Variants in TSPAN18 observed in about 807,000 individuals in gnomAD.
TSPAN18 encodes the protein tetraspanin-18.
TSPAN18 carries 14 observed loss-of-function variants against 27.3 expected under a neutral mutation model. The ratio of observed to expected loss-of-function variants is 0.51; its 90% CI spans 0.34 to 0.80. The LOEUF is 0.80. Among genes scored for constraint, TSPAN18 ranks in the 30% least tolerant of loss-of-function variants. The probability of loss-of-function intolerance (pLI) is 0.01; values close to 1 mark genes in which losing one functional copy is unlikely to be tolerated. For missense variants in TSPAN18, 268 were observed against 323.9 expected, an observed-to-expected ratio of 0.83 and a Z score of 1.32; for synonymous variants, 143 against 136.5, an observed-to-expected ratio of 1.05 and a Z score of -0.33.
intron 2 of TSPAN18, among the ~76,000 whole-genome samples, chr11:44,793,742 T>A (rs1168184775): frequency 1.3e-5 from 2 of 152,192 alleles, no homozygotes. Flanking sequence ...TTTCCAAAGC[T>A]GGGGAACGTC....
At position 44,731,327 on chromosome 11, in the gene TSPAN18, A is replaced by G. The variant is rs74927359; in HGVS notation, c.-240+4040A>G. Among the ~76,000 whole-genome samples, 1,310 of 152,268 alleles carry G rather than the reference A, an allele frequency of 8.6e-3. 14 individuals are homozygous for G. The highest frequency in any genetic ancestry group is 0.042 in the South Asian group (202 of 4,832). On this transcript the variant is annotated intron_variant, in intron 1 of 9. Transcript: ENST00000520358. ...CCTGGATTTGCCTGTTAGCTTTATC[A>G]TAACTTCATATCAATTGTGTGACCT...
chr11:44,743,859 G>T (rs949839370), intron 1 of TSPAN18, among the ~76,000 whole-genome samples: 1 of 152,238 alleles, frequency 6.6e-6, no homozygotes, highest in South Asian at 2.1e-4. Context: ...AGGAAATGGC[G>T]TTGTAACACC....
At chr11:44,729,897 AT>A (rs1415456555) in intron 1 of TSPAN18, among the ~76,000 whole-genome samples, 1 of 152,020 alleles carries the variant, frequency 6.6e-6, no homozygotes, top group Admixed American at 6.5e-5. Flanking sequence ...CAGATTTGAA[AT>A]CTAGCTCTTC....
intron 3 of TSPAN18, among the ~76,000 whole-genome samples, chr11:44,886,731 T>C (rs1221337595): frequency 6.6e-6 from 1 of 152,236 alleles, no homozygotes; most frequent in Non-Finnish European, 1.5e-5. Context: ...AAGGTCAGTT[T>C]GGCTGTTGAG....
chr11:44,734,637 C>A (rs1303191600), intron 1 of TSPAN18, among the ~76,000 whole-genome samples: 1 of 152,236 alleles, frequency 6.6e-6, no homozygotes, highest in Non-Finnish European at 1.5e-5. Flanking sequence ...CAACCTTGGG[C>A]TGGACTCTTG....
chr11:44,870,561 G>C (rs1449877190), intron 3 of TSPAN18, among the ~76,000 whole-genome samples: 2 of 152,146 alleles, frequency 1.3e-5, no homozygotes, highest in African/African-American at 4.8e-5. Context: ...CTAGTCAGCA[G>C]CTCACTACTT....
rs531476733 is a variant in TSPAN18 at position 44,910,591 on chromosome 11, C to G, written c.258+692C>G. 2.6e-5 allele frequency among the ~76,000 whole-genome samples: 4 copies of G among 152,368 alleles called. No homozygotes were observed. In the South Asian group the frequency reaches 8.3e-4, roughly 32 times the overall value. On this transcript the variant is annotated intron_variant, in intron 5 of 9. Transcript: ENST00000520358. The stretch of plus-strand genomic sequence containing the variant: ...TGCTATTAAAAACTCTAATATATAA[C>G]TCCTTAGTAACATCGCTAAGATGCC...
intron 2 of TSPAN18, among the ~76,000 whole-genome samples, chr11:44,793,216 T>C (rs1856270573): frequency 6.6e-6 from 1 of 152,156 alleles, no homozygotes; most frequent in African/African-American, 2.4e-5. Context: ...TTGTACCACA[T>C]TGTGGCAAGG....
rs10671243 is a variant in TSPAN18, at chr11:44,908,070, A to AT, written c.63+1591_63+1592insT. ...ACTCCGTCTCAGAAAAAAAAAAAAA[A>AT]GGAGAGAGACACTGCACAGCAGATG... On this transcript the variant is annotated intron_variant, in intron 4 of 9. Coordinates refer to ENST00000520358, the MANE Select transcript of TSPAN18 (RefSeq NM_130783.5). Among the ~76,000 whole-genome samples, 269 of 149,914 alleles carry AT rather than the reference A, an allele frequency of 1.8e-3. 3 individuals carry two copies. Among genetic ancestry groups the AT allele is most frequent in the African/African-American group, 6.4e-3 (257 of 40,220 alleles).
chr11:44,759,738 ATTTGCAGAGTCAGGAAC>A (rs1345773515), intron 1 of TSPAN18, among the ~76,000 whole-genome samples: 5 of 152,272 alleles, frequency 3.3e-5, no homozygotes, highest in African/African-American at 1.2e-4. Flanking sequence ...TCCAGCTATT[ATTTGCAGAGTCAGGAAC>A]TGAGACTCAG....
chr11:44,842,840 T>C (rs915537641), intron 2 of TSPAN18, among the ~76,000 whole-genome samples: 3 of 152,178 alleles, frequency 2.0e-5, no homozygotes, highest in African/African-American at 7.2e-5. Flanking sequence ...ATCATCCAGA[T>C]TAAAGTATAG....
rs748475836 is a variant in TSPAN18, at chr11:44,882,587, GACACACAC to G, written c.-11+22152_-11+22159del. ...TCACCAGGAAATGGTCAGAGAGAGA[GACACACAC>G]ACACACACACACACACACACACACA... On this transcript the variant is annotated intron_variant, in intron 3 of 9. Coordinates refer to ENST00000520358, the MANE Select transcript of TSPAN18 (RefSeq NM_130783.5). 2.6e-3 allele frequency among the ~76,000 whole-genome samples: 337 copies of G among 130,864 alleles called. 3 individuals are homozygous for G. In the East Asian group the frequency reaches 0.03, roughly 12 times the overall value. The allele number at this position is 130,864 out of a possible 152,430, so 85.9% of individuals were successfully genotyped here.
In TSPAN18 at chr11:44,929,605, G is replaced by A. The variant is rs113498283; in HGVS notation, c.*427G>A. 54 of 172,874 alleles carry A rather than the reference G, an allele frequency of 3.1e-4. 1 individual carries two copies. The highest frequency in any genetic ancestry group is 1.2e-3 in the African/African-American group (51 of 42,160). The allele number at this position is 172,874 out of a possible 1,614,324, so 10.7% of individuals were successfully genotyped here. A position where few individuals can be genotyped will look rare whatever the true frequency, so the allele number is the denominator to read the frequency against. On this transcript the variant is annotated 3_prime_UTR_variant, in exon 10 of 10. Transcript: ENST00000520358. ...CTCAGAGAAGTCATCAAAGCCCAGGGGCTGCACGGAGATTCAGCTGCCATG... is the reference window on the plus strand; with the variant it reads ...CTCAGAGAAGTCATCAAAGCCCAGGAGCTGCACGGAGATTCAGCTGCCATG...
intron 2 of TSPAN18, among the ~76,000 whole-genome samples, chr11:44,850,746 C>T (rs1857580962): frequency 6.6e-6 from 1 of 152,236 alleles, no homozygotes; most frequent in African/African-American, 2.4e-5. Context: ...GGTTCAAATT[C>T]AGCCCCACTT....
At chr11:44,922,148 G>T (rs546073228) in intron 8 of TSPAN18, among the ~76,000 whole-genome samples, 2 of 137,150 alleles carry the variant, frequency 1.5e-5, no homozygotes, top group Non-Finnish European at 3.0e-5. Context: ...ACTGAGTCTC[G>T]CTCTGTCGCT....
chr11:44,866,473 T>C (rs1858039474), intron 3 of TSPAN18, among the ~76,000 whole-genome samples: 3 of 152,208 alleles, frequency 2.0e-5, no homozygotes, highest in Admixed American at 2.0e-4. Flanking sequence ...TCTCAGGGTC[T>C]AATGAGGCCA....
chr11:44,788,097 C>A (rs1186342219), intron 2 of TSPAN18, among the ~76,000 whole-genome samples: 1 of 152,198 alleles, frequency 6.6e-6, no homozygotes, highest in Non-Finnish European at 1.5e-5. Context: ...GCCTTTTCCT[C>A]CATGGTTCAG....
In TSPAN18 at chr11:44,923,102, C is replaced by T. The variant is rs181866713; in HGVS notation, c.615+3103C>T. The stretch of plus-strand genomic sequence containing the variant: ...TCAGCCTGGGCAGCACAGTGAGACT[C>T]CATCTCAAAAAAAAGAAAAAAAGAA... On this transcript the variant is annotated intron_variant, in intron 8 of 9. Coordinates refer to ENST00000520358, the MANE Select transcript of TSPAN18 (RefSeq NM_130783.5). Among the ~76,000 whole-genome samples, 5 of 152,070 alleles carry T rather than the reference C, an allele frequency of 3.3e-5. No individual in the cohort carries two copies. The East Asian group carries it at 9.7e-4, about 29-fold the overall frequency.
intron 2 of TSPAN18, among the ~76,000 whole-genome samples, chr11:44,827,920 G>C (rs78996585): frequency 0.11 from 17,345 of 152,202 alleles, 1,048 homozygotes; most frequent in Middle Eastern, 0.2. Context: ...CAGGCCTCCT[G>C]GGAGAGTCCA....
Sources: allele counts gnomAD v4.1 joint callset (sites outside exome capture counted in the v4.1 genomes callset), GRCh38; gene constraint gnomAD v4.1.1; transcripts MANE v1.5; gene names NCBI Gene and HGNC (gene_info 2026-07-23, HGNC 2026-07-21).